Variants in RAP1GAP observed in about 807,000 individuals in gnomAD.
RAP1GAP encodes the protein RAP1 GTPase activating protein, also known as rap1 GTPase-activating protein 1.
A neutral mutation model predicts 87.2 loss-of-function variants in RAP1GAP; 35 were observed. The observed-to-expected ratio is 0.40, with a 90% confidence interval of 0.31 to 0.53. The LOEUF (loss-of-function observed/expected upper bound fraction) is 0.53, where lower values mean the gene tolerates loss of function less well. Among genes scored for constraint, RAP1GAP ranks in the 20% least tolerant of loss-of-function variants. RAP1GAP has a pLI of 0.48. For synonymous variants in RAP1GAP, 375 were observed against 363.9 expected, an observed-to-expected ratio of 1.03 and a Z score of -0.35; for missense variants, 734 against 898.9, an observed-to-expected ratio of 0.82 and a Z score of 2.35.
Position 21,608,313 on chromosome 1 carries a change from T to C in RAP1GAP, c.1196A>G (p.Glu399Gly). The change falls in exon 17 of 25, where the codon GAG becomes GGG. Residue 399 changes from glutamate (E) to glycine (G), a missense_variant. Physicochemically the swap from Glu to Gly is moderately conservative, Grantham distance 98 (BLOSUM62 -2). This residue lies in a region of RAP1GAP where 485 missense variants were observed against 646.2 expected (regional missense o/e 0.75). Coordinates refer to ENST00000374765, the MANE Select transcript of RAP1GAP (RefSeq NM_002885.4). ...TRAALLETLY[E>G]ELHIHSQSMM... ...GGACTGGCTGTGGATGTGTAGTTCC[T>C]CATAGAGCGTCTCCAGGAGGGCGGC... is the stretch of plus-strand genomic sequence containing the variant. The C allele has an allele frequency of 3.1e-6, 5 of 1,613,854 alleles. No individual in the cohort carries two copies. Among genetic ancestry groups the C allele is most frequent in the Non-Finnish European group, 4.2e-6 (5 of 1,179,908 alleles).
intron 1 of RAP1GAP, among the ~76,000 whole-genome samples, chr1:21,654,398 G>GT (rs1248897671): frequency 2.6e-5 from 4 of 152,204 alleles, no homozygotes; most frequent in Non-Finnish European, 5.9e-5. Flanking sequence ...CTGAGCCTCA[G>GT]TTTTTTCATC....
At chr1:21,599,396 C>G in intron 21 of RAP1GAP, 98 bp downstream of exon 21, 1 of 1,498,270 alleles carries the variant, frequency 6.7e-7, no homozygotes, top group South Asian at 1.3e-5. Context: ...CACATCTCAG[C>G]CACGCCCAGG....
intron 2 of RAP1GAP, among the ~76,000 whole-genome samples, chr1:21,630,987 A>G (rs2150610445): frequency 6.6e-6 from 1 of 150,558 alleles, no homozygotes; most frequent in Non-Finnish European, 1.5e-5. Flanking sequence ...CACCTTTCCC[A>G]GCACCCCTCC....
Position 21,614,098 on chromosome 1 carries a change from G to A in RAP1GAP, c.292-9C>T. On this transcript the variant is annotated splice_polypyrimidine_tract_variant and intron_variant, in intron 7 of 24. Transcript: ENST00000374765. Reference sequence around the variant, plus strand: ...TAGTAATTGAAATGCTCCTGCAGTGGGAGGTGGGGGCCAGGGGAGTGGGTG... The same window carrying A: ...TAGTAATTGAAATGCTCCTGCAGTGAGAGGTGGGGGCCAGGGGAGTGGGTG... 1 of 1,568,206 alleles carries A rather than the reference G, an allele frequency of 6.4e-7. No homozygotes were observed. Among genetic ancestry groups the A allele is most frequent in the Non-Finnish European group, 8.7e-7 (1 of 1,143,716 alleles).
In RAP1GAP at chr1:21,613,893, C is replaced by G; in HGVS notation, c.395+93G>C. On this transcript the variant is annotated intron_variant, in intron 8 of 24. Coordinates refer to ENST00000374765, the MANE Select transcript of RAP1GAP (RefSeq NM_002885.4). The surrounding 1 kb of genome is among the most constrained non-coding windows in gnomAD (Gnocchi z 4.7). Reference sequence around the variant, plus strand: ...AAGCAAATCCCTGCCCCTCTATGGGCCTTGATGAAGAGAGTGGGTCAAATG... The same window carrying G: ...AAGCAAATCCCTGCCCCTCTATGGGGCTTGATGAAGAGAGTGGGTCAAATG... 8.0e-7 allele frequency: 1 copy of G among 1,250,584 alleles called. No individual in the cohort carries two copies. The allele number at this position is 1,250,584 out of a possible 1,614,324, so 77.5% of individuals were successfully genotyped here.
intron 7 of RAP1GAP, among the ~76,000 whole-genome samples, chr1:21,616,506 A>G (rs1482438416): frequency 2.6e-5 from 4 of 152,208 alleles, no homozygotes; most frequent in South Asian, 2.1e-4. Flanking sequence ...CAAACAGTTA[A>G]TGGAAGAGCC....
intron 1 of RAP1GAP, among the ~76,000 whole-genome samples, chr1:21,664,542 G>C (rs1411909422): frequency 6.6e-6 from 1 of 152,150 alleles, no homozygotes; most frequent in Non-Finnish European, 1.5e-5. Context: ...GCCTCCAGGA[G>C]CGCCTCCACT....
chr1:21,608,589 C>T (rs1399129676), intron 16 of RAP1GAP, among the ~76,000 whole-genome samples: 2 of 148,026 alleles, frequency 1.4e-5, no homozygotes, highest in Non-Finnish European at 3.0e-5. Context: ...CATGTCCCCA[C>T]CCCCCAGGTC....
intron 3 of RAP1GAP, among the ~76,000 whole-genome samples, chr1:21,623,867 G>A (rs1385046558): frequency 6.6e-6 from 1 of 152,240 alleles, no homozygotes; most frequent in Non-Finnish European, 1.5e-5. Context: ...GGAGATGGCT[G>A]TGTGCCAGGT....
rs1384830703 is a variant in RAP1GAP, at chr1:21,615,284, AC to A, written c.292-1196del. On this transcript the variant is annotated intron_variant, in intron 7 of 24. Coordinates refer to ENST00000374765, the MANE Select transcript of RAP1GAP (RefSeq NM_002885.4). This position sits in a 1 kb window ranked among gnomAD's most constrained non-coding sequence, Gnocchi z 4.5. Reference sequence around the variant, plus strand: ...CCAGGATAGGGCCCAGTGCCTGAGCACCTGGCTGCTTCCCCCATTACCCCAC... The same window carrying A: ...CCAGGATAGGGCCCAGTGCCTGAGCACTGGCTGCTTCCCCCATTACCCCAC... Among the ~76,000 whole-genome samples the A allele has an allele frequency of 6.6e-6, 1 of 152,132 alleles. No homozygotes were observed. Among genetic ancestry groups the A allele is most frequent in the Non-Finnish European group, 1.5e-5 (1 of 68,000 alleles).
chr1:21,606,848 C>A (rs893054253), intron 17 of RAP1GAP, among the ~76,000 whole-genome samples: 4 of 152,222 alleles, frequency 2.6e-5, no homozygotes, highest in Non-Finnish European at 5.9e-5. Context: ...CAACTCTGGA[C>A]TCCGCTGCTT....
At chr1:21,604,727 C>T (rs2072542014) in intron 18 of RAP1GAP, among the ~76,000 whole-genome samples, 1 of 151,910 alleles carries the variant, frequency 6.6e-6, no homozygotes, top group Non-Finnish European at 1.5e-5. Context: ...GTGACATAGC[C>T]TCACAGCACT....
At chr1:21,651,389 T>TA (rs781472127) in intron 1 of RAP1GAP, 9 of 529,928 alleles carry the variant, frequency 1.7e-5, no homozygotes, top group South Asian at 1.3e-4. Context: ...TACTCCCACA[T>TA]ACCTATACAT....
At chr1:21,605,178 T>A (rs941678209) in intron 18 of RAP1GAP, among the ~76,000 whole-genome samples, 9 of 152,142 alleles carry the variant, frequency 5.9e-5, no homozygotes, top group African/African-American at 2.2e-4. Flanking sequence ...TTCATCCATG[T>A]GCCCAGCACT....
At position 21,622,608 on chromosome 1, in the gene RAP1GAP, A is replaced by ACGGCG. The variant is rs1484132735; in HGVS notation, c.-18-2563_-18-2559dup. On this transcript the variant is annotated intron_variant, in intron 3 of 24. Transcript: ENST00000374765. The surrounding 1 kb of genome is among the most constrained non-coding windows in gnomAD (Gnocchi z 5.7). ...GGGCGGGGCGCCAGGTACGGGCGGCACGGCGCGGGGCGGGGCGGGGCGGGG... is the reference window on the plus strand; with the variant it reads ...GGGCGGGGCGCCAGGTACGGGCGGCACGGCGCGGCGCGGGGCGGGGCGGGGCGGGG... The ACGGCG allele has an allele frequency of 2.7e-5, 4 of 145,644 alleles. No individual in the cohort carries two copies. The highest frequency in any genetic ancestry group is 6.1e-5 in the Non-Finnish European group (4 of 65,542). 9.0% of individuals were successfully genotyped at this position (145,644 alleles called of 1,614,324 possible).
chr1:21,603,829 G>T lies in RAP1GAP; in HGVS notation c.1429-916C>A, dbSNP rs764806167. The T allele has an allele frequency of 6.2e-7, 1 of 1,611,006 alleles. No individual in the cohort carries two copies. Among genetic ancestry groups the T allele is most frequent in the African/African-American group, 1.3e-5 (1 of 74,896 alleles). Reference sequence around the variant, plus strand: ...CTCCAGAGCCGGCGGCCCCGCGGACGACAACCTCTTCCACGGTTCCTATGC... The same window carrying T: ...CTCCAGAGCCGGCGGCCCCGCGGACTACAACCTCTTCCACGGTTCCTATGC... On this transcript the variant is annotated intron_variant, in intron 18 of 24. Coordinates refer to ENST00000374765, the MANE Select transcript of RAP1GAP (RefSeq NM_002885.4). This position sits in a 1 kb window ranked among gnomAD's most constrained non-coding sequence, Gnocchi z 6.0.
intron 4 of RAP1GAP, 34 bp from the exon 5 acceptor site, chr1:21,619,106 AG>A: frequency 6.4e-7 from 1 of 1,572,218 alleles, no homozygotes; most frequent in Non-Finnish European, 8.6e-7. Flanking sequence ...ACACCCTCCC[AG>A]GCCTGCCGCC....
intron 1 of RAP1GAP, among the ~76,000 whole-genome samples, chr1:21,657,983 G>A (rs1273140523): frequency 1.3e-5 from 2 of 152,166 alleles, no homozygotes; most frequent in Non-Finnish European, 2.9e-5. Context: ...AGGGCGCCAG[G>A]GTGGTTTCAG....
chr1:21,599,393 C>T (rs1196205931), intron 21 of RAP1GAP, 101 bp downstream of exon 21: 1 of 1,490,796 alleles, frequency 6.7e-7, no homozygotes, highest in Non-Finnish European at 9.0e-7. Context: ...GATCACATCT[C>T]AGCCACGCCC....
Sources: allele counts gnomAD v4.1 joint callset (sites outside exome capture counted in the v4.1 genomes callset), GRCh38; gene constraint gnomAD v4.1.1; regional missense constraint gnomAD v4.1.1; non-coding constraint Gnocchi (gnomAD v3.1); transcripts MANE v1.5; gene names NCBI Gene and HGNC (gene_info 2026-07-23, HGNC 2026-07-21).